Variants in TDRD3 observed in about 807,000 individuals in gnomAD.
TDRD3 encodes tudor domain containing 3.
A neutral mutation model predicts 86.7 loss-of-function variants in TDRD3; 45 were observed. The observed-to-expected ratio is 0.52, with a 90% CI of 0.41 to 0.67. TDRD3 has a LOEUF of 0.67. TDRD3 is among the 30% of genes least tolerant of loss of function. TDRD3 has a pLI of 0.00. For synonymous variants in TDRD3, 298 were observed against 301.7 expected, an observed-to-expected ratio of 0.99 and a Z score of 0.13; for missense variants, 814 against 889.0, an observed-to-expected ratio of 0.92 and a Z score of 1.07.
intron 1 of TDRD3, among the ~76,000 whole-genome samples, chr13:60,426,857 T>A (rs143388282): frequency 1.3e-5 from 2 of 152,176 alleles, no homozygotes; most frequent in African/African-American, 4.8e-5. Context: ...CGTCACAGAG[T>A]GTTCTTACAC....
Position 60,567,587 on chromosome 13 carries a change from A to G in TDRD3, c.2181A>G (p.Arg727=), listed in dbSNP as rs1958492220. Residue 727 remains arginine (R), a synonymous_variant, in exon 13 of 14, where the codon AGA becomes AGG. Transcript: ENST00000377881. ...GTAGGGGAGGTGATGGCCAGCCAAG[A>G]CGATCCACTCGGCCAACCCAACAGT... ...EFRRGGDGQP[R]RSTRPTQQFY... 1 of 1,614,170 alleles carries G rather than the reference A, an allele frequency of 6.2e-7. No individual in the cohort carries two copies. Among genetic ancestry groups the G allele is most frequent in the Non-Finnish European group, 8.5e-7 (1 of 1,180,026 alleles).
At chr13:60,480,972 G>C (rs1036361184) in intron 5 of TDRD3, among the ~76,000 whole-genome samples, 3 of 152,066 alleles carry the variant, frequency 2.0e-5, no homozygotes, top group Admixed American at 6.6e-5. Context: ...CTGGTGAGGG[G>C]CACCACAGGA....
chr13:60,440,211 A>C (rs1223615177), intron 2 of TDRD3, among the ~76,000 whole-genome samples: 3 of 152,186 alleles, frequency 2.0e-5, no homozygotes, highest in Non-Finnish European at 4.4e-5. Flanking sequence ...GGAACATTTC[A>C]GAAAAAAACA....
At chr13:60,402,257 T>C (rs139844225) in intron 1 of TDRD3, among the ~76,000 whole-genome samples, 18 of 152,302 alleles carry the variant, frequency 1.2e-4, no homozygotes, top group African/African-American at 3.8e-4. Context: ...ACACCTTTTT[T>C]CCAGGAGATT....
At chr13:60,458,880 C>G (rs1185720801) in intron 3 of TDRD3, among the ~76,000 whole-genome samples, 4 of 152,146 alleles carry the variant, frequency 2.6e-5, no homozygotes, top group African/African-American at 4.8e-5. Flanking sequence ...GAATTATGAG[C>G]TATAATAACC....
chr13:60,573,622 T>A lies in TDRD3; in HGVS notation c.*16T>A. The A allele has an allele frequency of 1.0e-6, 1 of 984,728 alleles. No individual in the cohort carries two copies. Among genetic ancestry groups the A allele is most frequent in the Non-Finnish European group, 1.2e-6 (1 of 829,918 alleles). The allele number at this position is 984,728 out of a possible 1,614,324, so 61.0% of individuals were successfully genotyped here. On this transcript the variant is annotated 3_prime_UTR_variant, in exon 14 of 14. Transcript: ENST00000377881. ...TCATTTCTTTTTAAAGTAGACTCTT[T>A]GTGAAGAAACGAGCCAGTGACTGAA...
At position 60,456,883 on chromosome 13, in the gene TDRD3, A is replaced by G. The variant is rs576577016; in HGVS notation, c.193-3497A>G. Among the ~76,000 whole-genome samples, 78 of 152,052 alleles carry G rather than the reference A, an allele frequency of 5.1e-4. 2 individuals are homozygous for G. Among genetic ancestry groups the G allele is most frequent in the African/African-American group, 1.8e-3 (76 of 41,488 alleles). ...GCTAATTTTTGTATTTTTTGTAGAG[A>G]TGGGGTCTCCCTATGTTGCCCAGGC... On this transcript the variant is annotated intron_variant, in intron 3 of 13. Coordinates refer to ENST00000377881, the MANE Select transcript of TDRD3 (RefSeq NM_001146070.2).
At chr13:60,565,257 T>G (rs185551340) in intron 12 of TDRD3, among the ~76,000 whole-genome samples, 180 of 152,038 alleles carry the variant, frequency 1.2e-3, no homozygotes, top group South Asian at 2.1e-3. Flanking sequence ...AGGTTTCACC[T>G]TGTTAGCCAG....
intron 2 of TDRD3, among the ~76,000 whole-genome samples, chr13:60,441,575 G>A (rs1480684575): frequency 6.6e-6 from 1 of 152,052 alleles, no homozygotes; most frequent in Non-Finnish European, 1.5e-5. Flanking sequence ...ATAAAATTTA[G>A]GCATTTGTAG....
At position 60,528,892 on chromosome 13, in the gene TDRD3, A is replaced by T. The variant is rs374564866; in HGVS notation, c.1667A>T (p.Asn556Ile). The T allele has an allele frequency of 4.3e-6, 7 of 1,612,390 alleles. No individual in the cohort carries two copies. Among genetic ancestry groups the T allele is most frequent in the Non-Finnish European group, 5.9e-6 (7 of 1,179,620 alleles). Residue 556 changes from asparagine (N) to isoleucine (I), a missense_variant, in exon 11 of 14, where the codon AAT becomes ATT. By Grantham distance (149) the Asn-to-Ile change is moderately radical. Coordinates refer to ENST00000377881, the MANE Select transcript of TDRD3 (RefSeq NM_001146070.2). ...FYDRKSQTINNEAFSGIKIEK... is the reference protein window; with the variant it reads ...FYDRKSQTINIEAFSGIKIEK... ...GACAGGAAATCACAAACAATAAATA[A>T]TGAAGCTTTCAGTGGTATAAAAATT... is the stretch of plus-strand genomic sequence containing the variant.
intron 1 of TDRD3, among the ~76,000 whole-genome samples, chr13:60,408,278 A>G (rs1186993668): frequency 6.6e-6 from 1 of 152,218 alleles, no homozygotes; most frequent in Non-Finnish European, 1.5e-5. Context: ...AGTCCCAGGT[A>G]TGTCTTTATC....
At chr13:60,561,464 G>A (rs1294648803) in intron 12 of TDRD3, among the ~76,000 whole-genome samples, 1 of 152,068 alleles carries the variant, frequency 6.6e-6, no homozygotes, top group African/African-American at 2.4e-5. Flanking sequence ...AAGAAAGTGA[G>A]GAAGAGGAAG....
chr13:60,434,831 C>G (rs1053957863), intron 1 of TDRD3, among the ~76,000 whole-genome samples: 1 of 152,106 alleles, frequency 6.6e-6, no homozygotes, highest in Admixed American at 6.5e-5. Flanking sequence ...TCTCTTCTCT[C>G]AAGGTCCACC....
chr13:60,444,339 CT>C (rs11287679), intron 2 of TDRD3, among the ~76,000 whole-genome samples: 22,726 of 151,752 alleles, frequency 0.15, 2,130 homozygotes, highest in South Asian at 0.28. Context: ...TATTCAAAAG[CT>C]GTCATTTGAT....
chr13:60,469,088 G>A (rs540322258), intron 5 of TDRD3, among the ~76,000 whole-genome samples: 3 of 152,176 alleles, frequency 2.0e-5, no homozygotes, highest in African/African-American at 7.2e-5. Flanking sequence ...CTAATGTGCT[G>A]TGATTTGGGT....
intron 12 of TDRD3, among the ~76,000 whole-genome samples, chr13:60,546,181 G>C (rs905098249): frequency 6.6e-6 from 1 of 151,978 alleles, no homozygotes; most frequent in East Asian, 1.9e-4. Flanking sequence ...CCATACTGGT[G>C]GTGGTTCTCA....
intron 1 of TDRD3, among the ~76,000 whole-genome samples, chr13:60,438,631 T>A (rs1955177480): frequency 6.6e-6 from 1 of 152,176 alleles, no homozygotes; most frequent in Non-Finnish European, 1.5e-5. Context: ...CTTGCTTTTT[T>A]ACTTTGGAGA....
intron 10 of TDRD3, among the ~76,000 whole-genome samples, chr13:60,513,062 A>G (rs1253679167): frequency 1.3e-5 from 2 of 152,292 alleles, no homozygotes; most frequent in East Asian, 1.9e-4. Context: ...AGGCATTTTC[A>G]TATATCCTCT....
intron 1 of TDRD3, among the ~76,000 whole-genome samples, chr13:60,402,018 A>G (rs1954115399): frequency 6.6e-6 from 1 of 152,252 alleles, no homozygotes; most frequent in Non-Finnish European, 1.5e-5. Flanking sequence ...TCTATTCCAC[A>G]TTACTTTGAA....
Sources: allele counts gnomAD v4.1 joint callset (sites outside exome capture counted in the v4.1 genomes callset), GRCh38; gene constraint gnomAD v4.1.1; transcripts MANE v1.5; gene names NCBI Gene and HGNC (gene_info 2026-07-23, HGNC 2026-07-21).